Variants in ACER3 observed in about 807,000 individuals in gnomAD.
ACER3 encodes alkaline ceramidase 3.
In ACER3, 16 loss-of-function variants were observed where a neutral mutation model predicts 48.9. The observed-to-expected ratio is 0.33, with a 90% CI of 0.22 to 0.50. The LOEUF (loss-of-function observed/expected upper bound fraction) is 0.50, where lower values mean the gene tolerates loss of function less well. Among genes scored for constraint, ACER3 ranks in the 20% least tolerant of loss-of-function variants. ACER3 has a pLI of 0.98. For synonymous variants in ACER3, 109 were observed against 107.8 expected, an observed-to-expected ratio of 1.01 and a Z score of -0.07; for missense variants, 227 against 326.0, an observed-to-expected ratio of 0.70 and a Z score of 2.34.
chr11:76,981,791 A>G (rs1196236568), intron 4 of ACER3, among the ~76,000 whole-genome samples: 1 of 152,246 alleles, frequency 6.6e-6, no homozygotes, highest in African/African-American at 2.4e-5. Context: ...AATGTTGAAC[A>G]TTAAGGTTAT....
At chr11:76,925,918 C>G (rs1347450869) in intron 1 of ACER3, among the ~76,000 whole-genome samples, 1 of 152,088 alleles carries the variant, frequency 6.6e-6, no homozygotes, top group African/African-American at 2.4e-5. Flanking sequence ...TTAGCCATTT[C>G]TTTCTCCATT....
chr11:76,886,783 C>T (rs188872551), intron 1 of ACER3, among the ~76,000 whole-genome samples: 7 of 152,038 alleles, frequency 4.6e-5, no homozygotes, highest in Non-Finnish European at 2.9e-5. Flanking sequence ...TTGGTTCAAG[C>T]GATTCTTTTG....
intron 1 of ACER3, among the ~76,000 whole-genome samples, chr11:76,874,083 A>G (rs1945307937): frequency 1.3e-5 from 2 of 152,178 alleles, no homozygotes; most frequent in Admixed American, 1.3e-4. Flanking sequence ...TCCAAAAGGG[A>G]CAGTAAAAGC....
intron 1 of ACER3, among the ~76,000 whole-genome samples, chr11:76,907,619 C>T (rs1946267645): frequency 6.6e-6 from 1 of 151,960 alleles, no homozygotes; most frequent in South Asian, 2.1e-4. Flanking sequence ...ACCTGTAATC[C>T]CAGTGCTTTG....
At chr11:76,953,218 T>C (rs1947732651) in intron 2 of ACER3, among the ~76,000 whole-genome samples, 1 of 152,184 alleles carries the variant, frequency 6.6e-6, no homozygotes. Context: ...AGGAGTTTAT[T>C]CATTATTTAA....
At chr11:76,951,768 G>C (rs1348986166) in intron 2 of ACER3, among the ~76,000 whole-genome samples, 1 of 152,226 alleles carries the variant, frequency 6.6e-6, no homozygotes, top group Non-Finnish European at 1.5e-5. Flanking sequence ...TGGAGACCTA[G>C]ACTATGCCTT....
At chr11:76,964,098 T>C (rs940547429) in intron 3 of ACER3, among the ~76,000 whole-genome samples, 14 of 151,396 alleles carry the variant, frequency 9.2e-5, no homozygotes, top group African/African-American at 3.4e-4. Context: ...ACCTGGAAAA[T>C]CAGGTCACTC....
intron 2 of ACER3, among the ~76,000 whole-genome samples, chr11:76,948,105 G>A (rs2134962567): frequency 6.6e-6 from 1 of 152,130 alleles, no homozygotes; most frequent in South Asian, 2.1e-4. Flanking sequence ...GACAATAATT[G>A]AATAACAAAT....
rs770440837 is a variant in ACER3, at chr11:76,920,062, A to G, written c.104-6495A>G. On this transcript the variant is annotated intron_variant, in intron 1 of 10. Transcript: ENST00000532485. The stretch of plus-strand genomic sequence containing the variant: ...TAGAGGGCGCCAGAGAGACATTGCA[A>G]GAGGAAGAGATTTTCCTTCCTGGTT... Among the ~76,000 whole-genome samples the G allele has an allele frequency of 4.1e-4, 62 of 152,314 alleles. 1 individual carries two copies. Among genetic ancestry groups the G allele is most frequent in the Non-Finnish European group, 7.1e-4 (48 of 68,026 alleles).
intron 1 of ACER3, 134 bp downstream of exon 1, chr11:76,861,213 CCCT>C: frequency 1.2e-6 from 1 of 818,416 alleles, no homozygotes; most frequent in Non-Finnish European, 1.8e-6. Flanking sequence ...GAATGCGGCG[CCCT>C]GGGCCAGCGG....
chr11:76,911,715 A>G (rs1008124747), intron 1 of ACER3, among the ~76,000 whole-genome samples: 7 of 152,148 alleles, frequency 4.6e-5, no homozygotes, highest in African/African-American at 1.7e-4. Context: ...CATTCCTTAT[A>G]TACTTGGCCT....
chr11:76,878,329 A>G (rs1035777162), intron 1 of ACER3, among the ~76,000 whole-genome samples: 9 of 152,006 alleles, frequency 5.9e-5, no homozygotes, highest in African/African-American at 2.2e-4. Flanking sequence ...GAAATTCTCG[A>G]ATTTTTTGGT....
In ACER3 at chr11:76,861,018, G is replaced by A; in HGVS notation, c.42G>A (p.Thr14=). The A allele has an allele frequency of 6.5e-7, 1 of 1,547,222 alleles. No individual in the cohort carries two copies. Among genetic ancestry groups the A allele is most frequent in the Non-Finnish European group, 8.7e-7 (1 of 1,146,074 alleles). The change falls in exon 1 of 11, where the codon ACG becomes ACA. Residue 14 remains threonine, a synonymous_variant. Transcript: ENST00000532485. ...AADREGYWGP[T]TSTLDWCEEN... ...ACCGAGAGGGCTACTGGGGCCCCACGACCTCCACGCTGGACTGGTGCGAGG... is the reference window on the plus strand; with the variant it reads ...ACCGAGAGGGCTACTGGGGCCCCACAACCTCCACGCTGGACTGGTGCGAGG...
intron 1 of ACER3, among the ~76,000 whole-genome samples, chr11:76,885,609 G>A (rs1013799651): frequency 2.0e-5 from 3 of 152,136 alleles, no homozygotes; most frequent in Non-Finnish European, 4.4e-5. Flanking sequence ...GAACAGGCAA[G>A]GCATTATGAG....
At chr11:76,971,257 A>C (rs1329017152) in intron 3 of ACER3, among the ~76,000 whole-genome samples, 2 of 152,156 alleles carry the variant, frequency 1.3e-5, no homozygotes, top group African/African-American at 4.8e-5. Flanking sequence ...AAACACACTA[A>C]TAGGCCGAGC....
At chr11:76,861,114 A>G in intron 1 of ACER3, 35 bp downstream of exon 1, 1 of 1,519,762 alleles carries the variant, frequency 6.6e-7, no homozygotes, top group South Asian at 1.2e-5. Context: ...TGGGGGCGAG[A>G]GGGCACCGGG....
rs1464072601 is a variant in ACER3 at position 77,023,907 on chromosome 11, A to C, written c.*3580A>C. On this transcript the variant is annotated 3_prime_UTR_variant, in exon 11 of 11. Transcript: ENST00000532485. ...GCTAACACAGTGAAACCCCGTCTCT[A>C]CTAAAAATACAAAAAAATTAGTCGG... The C allele has an allele frequency of 2.0e-5, 3 of 152,034 alleles. No homozygotes were observed. The highest frequency in any genetic ancestry group is 7.3e-5 in the African/African-American group (3 of 41,316). 9.4% of individuals were successfully genotyped at this position (152,034 alleles called of 1,614,324 possible).
intron 1 of ACER3, among the ~76,000 whole-genome samples, chr11:76,877,623 T>A (rs1351387914): frequency 6.6e-6 from 1 of 152,086 alleles, no homozygotes; most frequent in Non-Finnish European, 1.5e-5. Context: ...GTCAATCAGA[T>A]GGCTGTTTTG....
rs1590980818 is a variant in ACER3, at chr11:76,952,254, C to T, written c.215-6725C>T. ...ATATCCAAGAATTCACTATACTATT[C>T]TTTCTTTCTTTTTTTTTTTTTTTGA... is the stretch of plus-strand genomic sequence containing the variant. On this transcript the variant is annotated intron_variant, in intron 2 of 10. Transcript: ENST00000532485. 2.0e-5 allele frequency among the ~76,000 whole-genome samples: 3 copies of T among 148,576 alleles called. No homozygotes were observed. In the South Asian group the frequency reaches 6.4e-4, roughly 32 times the overall value.
Sources: gnomAD v4.1 joint callset for allele counts (sites outside exome capture counted in the v4.1 genomes callset) on GRCh38, gnomAD v4.1.1 for gene constraint, MANE v1.5 for transcripts, NCBI Gene and HGNC (gene_info 2026-07-23, HGNC 2026-07-21) for gene names.